PLEKHS1: variants seen among roughly 807,000 people sequenced by gnomAD.
PLEKHS1 encodes the protein pleckstrin homology domain containing S1.
A neutral mutation model predicts 51.0 loss-of-function variants in PLEKHS1; 55 were observed. That is an observed-to-expected ratio of 1.08 (90% CI 0.87 to 1.35). PLEKHS1 has a LOEUF of 1.35. PLEKHS1 is among the 40% of genes most tolerant of loss of function. The pLI, the probability that PLEKHS1 is intolerant of heterozygous loss-of-function variation, is 0.00. For synonymous variants in PLEKHS1, 153 were observed against 144.8 expected (o/e 1.06, Z -0.41); for missense variants, 398 against 423.0 (o/e 0.94, Z 0.52).
chr10:113,772,090 G>T lies in PLEKHS1; in HGVS notation c.672+1G>T. 6.2e-7 allele frequency: 1 copy of T among 1,611,372 alleles called. No homozygotes were observed. The highest frequency in any genetic ancestry group is 8.5e-7 in the Non-Finnish European group (1 of 1,179,528). On this transcript the variant is annotated splice_donor_variant, in intron 8 of 11. Transcript: ENST00000361048. LOFTEE classifies it high-confidence loss of function. Reference sequence around the variant, plus strand: ...TACTCCTCGAAGTGTTCTTTTAGAGGTAACCCCTTCTTGTCCATTCATCAT... The same window carrying T: ...TACTCCTCGAAGTGTTCTTTTAGAGTTAACCCCTTCTTGTCCATTCATCAT...
chr10:113,778,779 G>A (rs1593048711), intron 11 of PLEKHS1, among the ~76,000 whole-genome samples: 1 of 152,148 alleles, frequency 6.6e-6, no homozygotes, highest in East Asian at 1.9e-4. Context: ...GAGTAGCTGG[G>A]ACTACAGGCG....
chr10:113,776,002 T>G (rs1593043395), intron 11 of PLEKHS1, 136 bp downstream of exon 11: 2 of 567,818 alleles, frequency 3.5e-6, no homozygotes, highest in Non-Finnish European at 5.8e-6. Context: ...TGACTGGCTG[T>G]TGTTACAAAA....
chr10:113,779,911 C>T (rs7920700), intron 11 of PLEKHS1, among the ~76,000 whole-genome samples: 53,050 of 152,050 alleles, frequency 0.35, 9,633 homozygotes, highest in South Asian at 0.49. Context: ...CCTTACTTTC[C>T]CACTGCCTCC....
chr10:113,774,492 G>C (rs181291054), intron 9 of PLEKHS1, among the ~76,000 whole-genome samples, 159 bp downstream of exon 9: 1 of 152,084 alleles, frequency 6.6e-6, no homozygotes, highest in East Asian at 1.9e-4. Context: ...AAAAATGAGG[G>C]AGTCATGTCT....
chr10:113,766,858 G>A, intron 4 of PLEKHS1, 140 bp downstream of exon 4: 1 of 627,144 alleles, frequency 1.6e-6, no homozygotes, highest in Non-Finnish European at 2.7e-6. Flanking sequence ...GACTGAATAG[G>A]AGCTAAAATA....
At chr10:113,752,017 G>T (rs1853865428) in intron 1 of PLEKHS1, among the ~76,000 whole-genome samples, 2 of 152,096 alleles carry the variant, frequency 1.3e-5, no homozygotes, top group South Asian at 4.1e-4. Context: ...ACTGTGGGGA[G>T]ATTCTCCTGA....
chr10:113,768,009 G>A (rs1314822656), intron 5 of PLEKHS1, among the ~76,000 whole-genome samples: 2 of 152,048 alleles, frequency 1.3e-5, no homozygotes, highest in African/African-American at 4.8e-5. Flanking sequence ...TTCCAAATAA[G>A]GTCACATTCT....
At position 113,772,096 on chromosome 10, in the gene PLEKHS1, C is replaced by A; in HGVS notation, c.672+7C>A. ...TCGAAGTGTTCTTTTAGAGGTAACCCCTTCTTGTCCATTCATCATTTGTTT... is the reference window on the plus strand; with the variant it reads ...TCGAAGTGTTCTTTTAGAGGTAACCACTTCTTGTCCATTCATCATTTGTTT... On this transcript the variant is annotated splice_region_variant and intron_variant, in intron 8 of 11. Coordinates refer to ENST00000361048, the Ensembl canonical transcript of PLEKHS1. 1 of 1,609,394 alleles carries A rather than the reference C, an allele frequency of 6.2e-7. No individual in the cohort carries two copies. Among genetic ancestry groups the A allele is most frequent in the Non-Finnish European group, 8.5e-7 (1 of 1,179,078 alleles).
At chr10:113,766,701 T>A (rs751051793) in exon 4 of PLEKHS1, 26 of 1,610,434 alleles carry the variant, frequency 1.6e-5, no homozygotes, top group South Asian at 3.3e-5. Flanking sequence ...ATCACCGAGG[T>A]TCCATTGAAA....
chr10:113,778,286 T>C (rs1402837690), intron 11 of PLEKHS1, among the ~76,000 whole-genome samples: 2 of 152,188 alleles, frequency 1.3e-5, no homozygotes, highest in African/African-American at 4.8e-5. Context: ...GGTCTTCAAC[T>C]GGAGAAGCTT....
intron 5 of PLEKHS1, among the ~76,000 whole-genome samples, chr10:113,768,108 C>A (rs1844244285): frequency 6.6e-6 from 1 of 152,034 alleles, no homozygotes; most frequent in Non-Finnish European, 1.5e-5. Context: ...CACCATCACC[C>A]CAGAAGCATT....
chr10:113,763,918 T>C (rs559471505), intron 2 of PLEKHS1, among the ~76,000 whole-genome samples: 2 of 152,336 alleles, frequency 1.3e-5, no homozygotes, highest in South Asian at 4.1e-4. Flanking sequence ...TTTTATGTTA[T>C]CATTTCCCTT....
intron 4 of PLEKHS1, among the ~76,000 whole-genome samples, chr10:113,767,015 TAA>T (rs969622844): frequency 3.0e-4 from 46 of 152,360 alleles, no homozygotes; most frequent in African/African-American, 1.0e-3. Flanking sequence ...TGTCATTTTA[TAA>T]AGTCAAGATA....
At chr10:113,762,263 T>C (rs1392319448) in intron 2 of PLEKHS1, among the ~76,000 whole-genome samples, 1 of 151,866 alleles carries the variant, frequency 6.6e-6, no homozygotes, top group Non-Finnish European at 1.5e-5. Context: ...TGGATTAACT[T>C]TGGTTTCATT....
chr10:113,774,871 GGAACCCCA>G lies in PLEKHS1; in HGVS notation c.828_835del (p.Glu276AspfsTer20), dbSNP rs752344424. On this transcript the variant is annotated frameshift_variant, in exon 10 of 12. Coordinates refer to ENST00000361048, the Ensembl canonical transcript of PLEKHS1. LOFTEE classifies it high-confidence loss of function. ...ATGAGTCTGTGGATAGCAGCAAAGA[GGAACCCCA>G]GACCCTTCCAGAGACCCAGGATGGG... 1.9e-6 allele frequency: 3 copies of G among 1,614,102 alleles called. No homozygotes were observed. The highest frequency in any genetic ancestry group is 2.5e-6 in the Non-Finnish European group (3 of 1,180,004).
chr10:113,754,777 C>A (rs1447262680), intron 1 of PLEKHS1, among the ~76,000 whole-genome samples: 2 of 152,190 alleles, frequency 1.3e-5, no homozygotes, highest in Non-Finnish European at 2.9e-5. Context: ...AGCCACCGTG[C>A]CTGGCGGTCC....
chr10:113,761,385 T>G (rs377230711), intron 2 of PLEKHS1, among the ~76,000 whole-genome samples: 2 of 152,180 alleles, frequency 1.3e-5, no homozygotes, highest in Admixed American at 6.5e-5. Context: ...TATTTATATC[T>G]TAACAGTATT....
In PLEKHS1 at chr10:113,772,051, G is replaced by T. The variant is rs773643251; in HGVS notation, c.634G>T (p.Glu212Ter). ...AGAAGCCACTCAAGATGTGAAGGAA[G>T]AGAATCATTATCTTACTCCTCGAAG... is the stretch of plus-strand genomic sequence containing the variant. Residue 212 changes from glutamate to a stop codon, truncating the protein, a stop_gained, in exon 8 of 12, where the codon GAG (glutamate) becomes TAG (stop). Transcript: ENST00000361048. LOFTEE classifies it high-confidence loss of function. 6.2e-7 allele frequency: 1 copy of T among 1,613,802 alleles called. No individual in the cohort carries two copies. The highest frequency in any genetic ancestry group is 1.1e-5 in the South Asian group (1 of 90,972).
chr10:113,759,872 A>G (rs1843840248), intron 2 of PLEKHS1, among the ~76,000 whole-genome samples: 1 of 152,222 alleles, frequency 6.6e-6, no homozygotes. Flanking sequence ...TTATTGAGGT[A>G]TAATTGACAT....
Sources: gnomAD v4.1 joint callset for allele counts (sites outside exome capture counted in the v4.1 genomes callset) on GRCh38, gnomAD v4.1.1 for gene constraint, MANE v1.5 for transcripts, NCBI Gene and HGNC (gene_info 2026-07-23, HGNC 2026-07-21) for gene names.